The following CADPS2 variants were observed in gnomAD, a reference collection of about 807,000 sequenced individuals.
CADPS2 encodes the protein calcium dependent secretion activator 2, also known as calcium-dependent secretion activator 2.
CADPS2 carries 93 observed loss-of-function variants against 172.5 expected under a neutral mutation model. The observed-to-expected ratio is 0.54, with a 90% confidence interval of 0.46 to 0.64. The LOEUF (loss-of-function observed/expected upper bound fraction) is 0.64, where lower values mean the gene tolerates loss of function less well. Among genes scored for constraint, CADPS2 ranks in the 30% least tolerant of loss-of-function variants. The pLI is 0.00. For missense variants in CADPS2, 1,420 were observed against 1,565.9 expected (o/e 0.91, Z 1.57); for synonymous variants, 546 against 555.2 (o/e 0.98, Z 0.23).
chr7:122,839,332 GA>G (rs1809630930), intron 1 of CADPS2, among the ~76,000 whole-genome samples: 2 of 152,086 alleles, frequency 1.3e-5, no homozygotes, highest in South Asian at 4.1e-4. Context: ...AACCCTAGAA[GA>G]AAACCTAGGC....
At chr7:122,356,562 G>T (rs1324179196) in intron 27 of CADPS2, among the ~76,000 whole-genome samples, 2 of 152,122 alleles carry the variant, frequency 1.3e-5, no homozygotes, top group East Asian at 3.9e-4. Flanking sequence ...AAGGAGTAGG[G>T]ATATATGCTC....
rs764559337 is a variant in CADPS2 at position 122,886,346 on chromosome 7, G to C, written c.-9C>G. 1,479 of 1,492,020 alleles carry C rather than the reference G, an allele frequency of 9.9e-4. 1 individual carries two copies. Among genetic ancestry groups the C allele is most frequent in the Non-Finnish European group, 1.3e-3 (1,414 of 1,129,728 alleles). The allele number at this position is 1,492,020 out of a possible 1,614,324, so 92.4% of individuals were successfully genotyped here. ...GAAGACGGGTCCAGCATGGTGCTCG[G>C]GGATCCCCGCCGCTCGGCCCGCGGT... is the stretch of plus-strand genomic sequence containing the variant. On this transcript the variant is annotated 5_prime_UTR_variant, in exon 1 of 30. Coordinates refer to ENST00000449022, the MANE Select transcript of CADPS2 (RefSeq NM_017954.11).
Position 122,490,254 on chromosome 7 carries a change from T to C in CADPS2, c.1679A>G (p.Asn560Ser), listed in dbSNP as rs746567496. 13 of 1,613,000 alleles carry C rather than the reference T, an allele frequency of 8.1e-6. No individual in the cohort carries two copies. The highest frequency in any genetic ancestry group is 1.1e-5 in the Non-Finnish European group (13 of 1,179,446). Residue 560 changes from asparagine to serine, a missense_variant, in exon 11 of 30, where the codon AAT becomes AGT. Transcript: ENST00000449022. The stretch of plus-strand genomic sequence containing the variant: ...TACAGTATCTCCTTCTTTAACAGCA[T>C]TAAAGAACATACAACCACCCTGAAG... Reference protein sequence around the residue: ...PGLQGGCMFFNAVKEGDTVIF... With the variant: ...PGLQGGCMFFSAVKEGDTVIF...
At chr7:122,587,472 T>C (rs1362536207) in intron 6 of CADPS2, among the ~76,000 whole-genome samples, 5 of 152,152 alleles carry the variant, frequency 3.3e-5, no homozygotes, top group Non-Finnish European at 7.4e-5. Flanking sequence ...TGTATGGTAT[T>C]CCATGGTGTA....
chr7:122,713,757 G>C (rs1279519819), intron 2 of CADPS2, among the ~76,000 whole-genome samples: 5 of 151,942 alleles, frequency 3.3e-5, no homozygotes, highest in Non-Finnish European at 5.9e-5. Flanking sequence ...ATGCACATTA[G>C]GGATAAAATA....
chr7:122,792,424 C>T (rs1375832006), intron 1 of CADPS2, among the ~76,000 whole-genome samples: 2 of 152,090 alleles, frequency 1.3e-5, no homozygotes, highest in African/African-American at 2.4e-5. Flanking sequence ...CACCTATAAA[C>T]CAGGAAGCAC....
At chr7:122,659,405 T>C (rs931763850) in intron 3 of CADPS2, among the ~76,000 whole-genome samples, 9 of 150,796 alleles carry the variant, frequency 6.0e-5, no homozygotes, top group Non-Finnish European at 1.3e-4. Flanking sequence ...ATCAGTGAGC[T>C]TGAAGACATG....
At position 122,581,264 on chromosome 7, in the gene CADPS2, G is replaced by A. The variant is rs778089808; in HGVS notation, c.1250C>T (p.Thr417Ile). The change falls in exon 7 of 30, where the codon ACC becomes ATC. Residue 417 changes from threonine (T) to isoleucine (I), a missense_variant. Transcript: ENST00000449022. ...PQWGTQGDFT[T>I]THPRPVVKVK... ...TTTGACCACAGGCCGAGGATGGGTGGTGGTGAAATCTCCTTGAGTCCCCCA... is the reference window on the plus strand; with the variant it reads ...TTTGACCACAGGCCGAGGATGGGTGATGGTGAAATCTCCTTGAGTCCCCCA... The A allele has an allele frequency of 4.5e-5, 72 of 1,613,004 alleles. No homozygotes were observed. Among genetic ancestry groups the A allele is most frequent in the Non-Finnish European group, 5.6e-5 (66 of 1,179,360 alleles).
At chr7:122,602,530 G>A (rs2072938491) in intron 6 of CADPS2, among the ~76,000 whole-genome samples, 1 of 151,976 alleles carries the variant, frequency 6.6e-6, no homozygotes. Context: ...ATCAATGTGG[G>A]TACAAAACCT....
intron 1 of CADPS2, among the ~76,000 whole-genome samples, chr7:122,842,584 A>C (rs1034171495): frequency 6.6e-6 from 1 of 152,340 alleles, no homozygotes; most frequent in South Asian, 2.1e-4. Context: ...ATGATCATTA[A>C]GCTACTATAA....
At chr7:122,552,467 C>G (rs1016371657) in intron 8 of CADPS2, among the ~76,000 whole-genome samples, 1 of 152,012 alleles carries the variant, frequency 6.6e-6, no homozygotes, top group Non-Finnish European at 1.5e-5. Context: ...TAGTCTTGGG[C>G]AGAAGGCAAT....
intron 22 of CADPS2, 131 bp downstream of exon 22, chr7:122,393,065 T>TAAAA: frequency 7.9e-6 from 7 of 880,862 alleles, no homozygotes; most frequent in Non-Finnish European, 9.4e-6. Flanking sequence ...AAAACTCAAA[T>TAAAA]AAAAAAAAAA....
intron 2 of CADPS2, among the ~76,000 whole-genome samples, chr7:122,681,118 G>A (rs1247957283): frequency 8.1e-5 from 11 of 135,940 alleles, no homozygotes; most frequent in Non-Finnish European, 1.5e-4. Flanking sequence ...ATCACACTCT[G>A]GGGACTGTTG....
At chr7:122,525,337 T>A (rs2061140769) in intron 8 of CADPS2, among the ~76,000 whole-genome samples, 1 of 152,130 alleles carries the variant, frequency 6.6e-6, no homozygotes, top group Non-Finnish European at 1.5e-5. Flanking sequence ...TGTAACTTAT[T>A]TACAAAGGTA....
In CADPS2 at chr7:122,318,651, A is replaced by G. The variant is rs1427403597; in HGVS notation, c.*1514T>C. On this transcript the variant is annotated 3_prime_UTR_variant, in exon 30 of 30. Transcript: ENST00000449022. The stretch of plus-strand genomic sequence containing the variant: ...TGCCTTTCAAAGATAGTGAGTTGGT[A>G]GAGTTAGTCTTTAATCCCGGAAGAA... 6.6e-6 allele frequency: 1 copy of G among 152,202 alleles called. No individual in the cohort carries two copies. The highest frequency in any genetic ancestry group is 1.5e-5 in the Non-Finnish European group (1 of 68,036). The allele number at this position is 152,202 out of a possible 1,614,324, so 9.4% of individuals were successfully genotyped here. A position where few individuals can be genotyped will look rare whatever the true frequency, so the allele number is the denominator to read the frequency against.
At chr7:122,626,563 C>A (rs1019802382) in intron 4 of CADPS2, among the ~76,000 whole-genome samples, 1 of 152,166 alleles carries the variant, frequency 6.6e-6, no homozygotes, top group African/African-American at 2.4e-5. Context: ...CCTCATCCCA[C>A]TTTTTCTGAT....
At chr7:122,441,478 C>T in intron 16 of CADPS2, 34 bp downstream of exon 16, 1 of 1,412,950 alleles carries the variant, frequency 7.1e-7, no homozygotes, top group Non-Finnish European at 9.5e-7. Context: ...ACTGAGAAAG[C>T]AAATAGTATT....
At chr7:122,798,898 G>A (rs771416485) in intron 1 of CADPS2, among the ~76,000 whole-genome samples, 1 of 151,772 alleles carries the variant, frequency 6.6e-6, no homozygotes, top group Non-Finnish European at 1.5e-5. Context: ...TTTGTAGAAG[G>A]CTCTCATTAA....
At chr7:122,422,915 C>T (rs1190395943) in intron 17 of CADPS2, among the ~76,000 whole-genome samples, 14 of 151,944 alleles carry the variant, frequency 9.2e-5, no homozygotes, top group South Asian at 8.3e-4. Flanking sequence ...GCCGAGATCG[C>T]GCCACTGCAC....
Sources: gnomAD v4.1 joint callset for allele counts (sites outside exome capture counted in the v4.1 genomes callset) on GRCh38, gnomAD v4.1.1 for gene constraint, MANE v1.5 for transcripts, NCBI Gene and HGNC (gene_info 2026-07-23, HGNC 2026-07-21) for gene names.